Variants in RPRD2 observed in about 807,000 individuals in gnomAD.
The protein encoded by RPRD2 is regulation of nuclear pre-mRNA domain containing 2, also known as regulation of nuclear pre-mRNA domain-containing protein 2.
RPRD2 carries 12 observed loss-of-function variants against 104.4 expected under a neutral mutation model. The ratio of observed to expected loss-of-function variants is 0.11; its 90% CI spans 0.07 to 0.19. RPRD2 has a LOEUF of 0.19. Among genes scored for constraint, RPRD2 ranks in the 10% least tolerant of loss-of-function variants. The pLI, the probability that RPRD2 is intolerant of heterozygous loss-of-function variation, is 1.00. For missense variants in RPRD2, 1,543 were observed against 1,790.1 expected, an observed-to-expected ratio of 0.86 and a Z score of 2.49; for synonymous variants, 714 against 684.9, an observed-to-expected ratio of 1.04 and a Z score of -0.66.
intron 9 of RPRD2, 30 bp downstream of exon 9, chr1:150,460,347 G>C (rs1264646294): frequency 1.3e-6 from 2 of 1,573,314 alleles, no homozygotes; most frequent in Middle Eastern, 1.7e-4. Flanking sequence ...AGGATAAAAA[G>C]TTAATTTCCA....
intron 1 of RPRD2, among the ~76,000 whole-genome samples, chr1:150,377,666 T>G (rs1452351815): frequency 1.3e-5 from 2 of 151,788 alleles, no homozygotes; most frequent in Non-Finnish European, 2.9e-5. Flanking sequence ...CTGGGAAGTA[T>G]AATAATATGA....
chr1:150,431,823 C>CT (rs1342050809), intron 2 of RPRD2, among the ~76,000 whole-genome samples: 2 of 152,008 alleles, frequency 1.3e-5, no homozygotes, highest in African/African-American at 4.8e-5. Context: ...CATGGGTGAA[C>CT]TTTGATGACA....
At chr1:150,462,867 A>C (rs1668029838) in intron 9 of RPRD2, among the ~76,000 whole-genome samples, 1 of 151,786 alleles carries the variant, frequency 6.6e-6, no homozygotes, top group Non-Finnish European at 1.5e-5. Context: ...TTATTTATTT[A>C]TTTTGAGACA....
At chr1:150,397,240 C>T (rs116779810) in intron 1 of RPRD2, among the ~76,000 whole-genome samples, 12,467 of 152,218 alleles carry the variant, frequency 0.082, 676 homozygotes, top group Non-Finnish European at 0.12. Context: ...TCTGGAAGTG[C>T]TGGGATTACA....
At chr1:150,395,247 A>G (rs1305197950) in intron 1 of RPRD2, among the ~76,000 whole-genome samples, 3 of 152,174 alleles carry the variant, frequency 2.0e-5, no homozygotes, top group Admixed American at 2.0e-4. Flanking sequence ...GAGTGAGAAC[A>G]TATGATGTTT....
chr1:150,475,923 T>C lies in RPRD2; in HGVS notation c.*2589T>C, dbSNP rs989750902. On this transcript the variant is annotated 3_prime_UTR_variant, in exon 11 of 11. Coordinates refer to ENST00000369068, the MANE Select transcript of RPRD2 (RefSeq NM_015203.5). ...TGTCTTAGCAAGGACATGATTCATA[T>C]GGAAGCAGAATGTGAGAAGTTGTAA... is the stretch of plus-strand genomic sequence containing the variant. The C allele has an allele frequency of 2.6e-5, 4 of 152,200 alleles. No individual in the cohort carries two copies. The highest frequency in any genetic ancestry group is 2.0e-4 in the Admixed American group (3 of 15,278). 9.4% of individuals were successfully genotyped at this position (152,200 alleles called of 1,614,324 possible).
At chr1:150,466,377 CAA>C (rs34200262) in intron 10 of RPRD2, among the ~76,000 whole-genome samples, 15,258 of 104,782 alleles carry the variant, frequency 0.15, 1,379 homozygotes, top group African/African-American at 0.32. Context: ...GACTCTGTCT[CAA>C]AAAAAAAAAA....
At position 150,364,422 on chromosome 1, in the gene RPRD2, G is replaced by C. The variant is rs1659664949; in HGVS notation, c.-293G>C. 6.6e-6 allele frequency among the ~76,000 whole-genome samples: 1 copy of C among 152,024 alleles called. No individual in the cohort carries two copies. The highest frequency in any genetic ancestry group is 1.5e-5 in the Non-Finnish European group (1 of 67,996). ...AAAGGCTTTGCAGGTCCTGTTTTCT[G>C]CGTAATTTTTCCGTGATTACTGACT... On this transcript the variant is annotated 5_prime_UTR_variant, in exon 1 of 11. Transcript: ENST00000369068.
chr1:150,402,960 C>T (rs1436621429), intron 1 of RPRD2, among the ~76,000 whole-genome samples: 1 of 145,824 alleles, frequency 6.9e-6, no homozygotes, highest in Non-Finnish European at 1.5e-5. Flanking sequence ...AAGAGCGAAA[C>T]TCTGCCTCAA....
chr1:150,443,483 T>G (rs956741559), intron 5 of RPRD2, among the ~76,000 whole-genome samples, 200 bp downstream of exon 5: 9 of 152,358 alleles, frequency 5.9e-5, no homozygotes, highest in East Asian at 1.9e-4. Context: ...AGAAATAACC[T>G]TCTTCCAGTA....
At chr1:150,378,334 G>A (rs782183851) in intron 1 of RPRD2, among the ~76,000 whole-genome samples, 4 of 152,076 alleles carry the variant, frequency 2.6e-5, no homozygotes, top group Non-Finnish European at 4.4e-5. Flanking sequence ...AGTACTTGAG[G>A]GCTCAGTGAG....
intron 1 of RPRD2, among the ~76,000 whole-genome samples, chr1:150,390,801 T>C (rs1572380120): frequency 6.6e-6 from 1 of 152,118 alleles, no homozygotes; most frequent in Non-Finnish European, 1.5e-5. Context: ...ACATGTGTGA[T>C]TGAAGTCTTA....
intron 10 of RPRD2, among the ~76,000 whole-genome samples, chr1:150,468,541 G>T (rs1358887825): frequency 6.6e-6 from 1 of 151,894 alleles, no homozygotes; most frequent in Non-Finnish European, 1.5e-5. Flanking sequence ...TCACATTCTA[G>T]TGTTTGAGGA....
intron 2 of RPRD2, among the ~76,000 whole-genome samples, chr1:150,422,561 C>T (rs1553889910): frequency 6.6e-6 from 1 of 151,890 alleles, no homozygotes; most frequent in Non-Finnish European, 1.5e-5. Flanking sequence ...TTAATAGGGA[C>T]AGCAGTTACT....
chr1:150,403,632 G>A (rs1021315416), intron 1 of RPRD2, among the ~76,000 whole-genome samples: 1 of 151,618 alleles, frequency 6.6e-6, no homozygotes, highest in Non-Finnish European at 1.5e-5. Context: ...TCCATTGTAT[G>A]CGTCCACATT....
intron 1 of RPRD2, among the ~76,000 whole-genome samples, chr1:150,399,032 C>G (rs782782246): frequency 1.3e-5 from 2 of 151,462 alleles, no homozygotes; most frequent in African/African-American, 4.9e-5. Flanking sequence ...AGAAAGGGTC[C>G]CACTTGGTTA....
At chr1:150,393,310 CATT>C (rs1662231243) in intron 1 of RPRD2, among the ~76,000 whole-genome samples, 1 of 151,542 alleles carries the variant, frequency 6.6e-6, no homozygotes, top group South Asian at 2.1e-4. Flanking sequence ...TCTACAGAAA[CATT>C]AGCTGGGCAT....
chr1:150,433,439 ATTT>A (rs58544799), intron 2 of RPRD2, among the ~76,000 whole-genome samples: 3 of 90,396 alleles, frequency 3.3e-5, no homozygotes, highest in East Asian at 3.0e-4. Flanking sequence ...CACAGACATA[ATTT>A]TTTTTTTTTT....
chr1:150,401,941 T>TG (rs1663054625), intron 1 of RPRD2, among the ~76,000 whole-genome samples: 1 of 139,874 alleles, frequency 7.1e-6, no homozygotes, highest in Non-Finnish European at 1.5e-5. Flanking sequence ...CCGTGCCCAG[T>TG]GGGGTTTTTT....
Sources: allele counts gnomAD v4.1 joint callset (sites outside exome capture counted in the v4.1 genomes callset), GRCh38; gene constraint gnomAD v4.1.1; transcripts MANE v1.5; gene names NCBI Gene and HGNC (gene_info 2026-07-23, HGNC 2026-07-21).